The following SLCO3A1 variants were observed in gnomAD, a reference collection of about 807,000 sequenced individuals.
The protein encoded by SLCO3A1 is solute carrier organic anion transporter family member 3A1.
A neutral mutation model predicts 63.1 loss-of-function variants in SLCO3A1; 27 were observed. The ratio of observed to expected loss-of-function variants is 0.43; its 90% CI spans 0.32 to 0.59. The LOEUF is 0.59. Among genes scored for constraint, SLCO3A1 ranks in the 20% least tolerant of loss-of-function variants. The pLI is 0.09. For synonymous variants in SLCO3A1, 473 were observed against 409.9 expected, an observed-to-expected ratio of 1.15 and a Z score of -1.86; for missense variants, 773 against 945.8, an observed-to-expected ratio of 0.82 and a Z score of 2.40.
intron 2 of SLCO3A1, among the ~76,000 whole-genome samples, chr15:92,069,281 C>G (rs1293943431): frequency 6.6e-6 from 1 of 152,186 alleles, no homozygotes; most frequent in African/African-American, 2.4e-5. Context: ...TTTGTCATGT[C>G]AGTAGTGCTG....
intron 2 of SLCO3A1, among the ~76,000 whole-genome samples, chr15:91,962,122 A>T (rs938900629): frequency 5.3e-5 from 8 of 152,196 alleles, no homozygotes; most frequent in Non-Finnish European, 1.2e-4. Flanking sequence ...AGACAGGCTC[A>T]GAAGATGCCG....
intron 1 of SLCO3A1, among the ~76,000 whole-genome samples, chr15:91,895,992 T>A (rs113860618): frequency 1.3e-5 from 2 of 152,234 alleles, no homozygotes; most frequent in African/African-American, 4.8e-5. Flanking sequence ...GCTATTCAGT[T>A]AAAAGCACTC....
intron 2 of SLCO3A1, among the ~76,000 whole-genome samples, chr15:92,016,026 G>GAT (rs2046421907): frequency 6.6e-6 from 1 of 152,130 alleles, no homozygotes; most frequent in Non-Finnish European, 1.5e-5. Flanking sequence ...AGGATTTCAG[G>GAT]ATAGGGCACT....
rs145794543 is a variant in SLCO3A1, at chr15:92,104,473, C to G, written c.940C>G (p.Pro314Ala). Residue 314 changes from proline (P) to alanine (A), a missense_variant, in exon 4 of 10, where the codon CCC (proline) becomes GCC (alanine). This residue lies in a region of SLCO3A1 where 565 missense variants were observed against 749.8 expected (regional missense o/e 0.75). Coordinates refer to ENST00000318445, the MANE Select transcript of SLCO3A1 (RefSeq NM_013272.4). The part of the protein sequence containing the change: ...LSEREYERPK[P>A]SNGVLRHPLE... Reference sequence around the variant, plus strand: ...CGAAAGAGAATACGAGAGACCCAAGCCCAGCAACGGGGTCCTGAGGCACCC... The same window carrying G: ...CGAAAGAGAATACGAGAGACCCAAGGCCAGCAACGGGGTCCTGAGGCACCC... 3 of 1,614,142 alleles carry G rather than the reference C, an allele frequency of 1.9e-6. No individual in the cohort carries two copies. In the African/African-American group the frequency reaches 4.0e-5, roughly 22 times the overall value.
At chr15:92,016,735 C>T (rs1166979308) in intron 2 of SLCO3A1, among the ~76,000 whole-genome samples, 1 of 151,864 alleles carries the variant, frequency 6.6e-6, no homozygotes, top group Non-Finnish European at 1.5e-5. Flanking sequence ...GGAAGAAGAC[C>T]ACAAAGACAG....
At chr15:91,899,791 A>C (rs1183545021) in intron 1 of SLCO3A1, among the ~76,000 whole-genome samples, 1 of 152,194 alleles carries the variant, frequency 6.6e-6, no homozygotes, top group Non-Finnish European at 1.5e-5. Context: ...TCTTCCAGAC[A>C]ACCTACTTTC....
At position 91,897,853 on chromosome 15, in the gene SLCO3A1, G is replaced by A. The variant is rs1898046078; in HGVS notation, c.181-18140G>A. ...TGGATGACATGTGAGCATGAGGATGGGTGCGGGAGGCGAAAGGCAGCTGAA... is the reference window on the plus strand; with the variant it reads ...TGGATGACATGTGAGCATGAGGATGAGTGCGGGAGGCGAAAGGCAGCTGAA... On this transcript the variant is annotated intron_variant, in intron 1 of 9. Transcript: ENST00000318445. This position sits in a 1 kb window ranked among gnomAD's most constrained non-coding sequence, Gnocchi z 4.7. 6.6e-6 allele frequency among the ~76,000 whole-genome samples: 1 copy of A among 152,182 alleles called. No homozygotes were observed. Among genetic ancestry groups the A allele is most frequent in the Admixed American group, 6.5e-5 (1 of 15,288 alleles).
chr15:92,134,582 T>G (rs2048033516), intron 7 of SLCO3A1, among the ~76,000 whole-genome samples: 1 of 152,210 alleles, frequency 6.6e-6, no homozygotes, highest in Non-Finnish European at 1.5e-5. Context: ...CATCTAAATA[T>G]ATGCATATCT....
intron 2 of SLCO3A1, among the ~76,000 whole-genome samples, chr15:92,086,435 T>G (rs1462352960): frequency 6.6e-6 from 1 of 152,236 alleles, no homozygotes; most frequent in African/African-American, 2.4e-5. Context: ...TATTAAGGTT[T>G]CTGTCGATTT....
chr15:91,931,120 A>G (rs1899212190), intron 2 of SLCO3A1, among the ~76,000 whole-genome samples: 1 of 152,234 alleles, frequency 6.6e-6, no homozygotes, highest in Admixed American at 6.5e-5. Flanking sequence ...AGTCCCTTGC[A>G]AGGAGACAGC....
intron 2 of SLCO3A1, among the ~76,000 whole-genome samples, chr15:91,960,941 G>A (rs1309244852): frequency 1.3e-5 from 2 of 152,106 alleles, no homozygotes; most frequent in African/African-American, 4.8e-5. Flanking sequence ...CAGATTTTTG[G>A]ATTAGAAATG....
At chr15:92,032,813 T>G (rs2151480922) in intron 2 of SLCO3A1, among the ~76,000 whole-genome samples, 1 of 151,762 alleles carries the variant, frequency 6.6e-6, no homozygotes, top group African/African-American at 2.4e-5. Flanking sequence ...TAAAAAGATT[T>G]GGAGCATGGT....
intron 2 of SLCO3A1, among the ~76,000 whole-genome samples, chr15:91,937,128 A>G (rs927987625): frequency 5.3e-5 from 8 of 152,174 alleles, no homozygotes; most frequent in African/African-American, 1.7e-4. Context: ...TAGCTAAATA[A>G]CCGGCTGTCT....
chr15:91,954,292 G>A lies in SLCO3A1; in HGVS notation c.646+37834G>A, dbSNP rs1285896415. On this transcript the variant is annotated intron_variant, in intron 2 of 9. Transcript: ENST00000318445. This position sits in a 1 kb window ranked among gnomAD's most constrained non-coding sequence, Gnocchi z 4.7. Reference sequence around the variant, plus strand: ...TCTCACTTGTCTCTGAGCCCTTTGTGAGTTTCTCAGGATAAACCATCCACC... The same window carrying A: ...TCTCACTTGTCTCTGAGCCCTTTGTAAGTTTCTCAGGATAAACCATCCACC... Among the ~76,000 whole-genome samples, 3 of 152,178 alleles carry A rather than the reference G, an allele frequency of 2.0e-5. No individual in the cohort carries two copies. Among genetic ancestry groups the A allele is most frequent in the Admixed American group, 6.5e-5 (1 of 15,276 alleles).
Position 91,860,359 on chromosome 15 carries a change from C to A in SLCO3A1, c.180+6271C>A, listed in dbSNP as rs1412214962. On this transcript the variant is annotated intron_variant, in intron 1 of 9. Coordinates refer to ENST00000318445, the MANE Select transcript of SLCO3A1 (RefSeq NM_013272.4). This position sits in a 1 kb window ranked among gnomAD's most constrained non-coding sequence, Gnocchi z 5.5. ...CTTACTCGAGCCTCAATAGCCTCAT[C>A]TGAAAAATGGGGATAATGATCAAGC... 2.0e-5 allele frequency among the ~76,000 whole-genome samples: 3 copies of A among 152,190 alleles called. No homozygotes were observed. Among genetic ancestry groups the A allele is most frequent in the Admixed American group, 2.0e-4 (3 of 15,282 alleles).
At chr15:91,878,891 T>C (rs539216770) in intron 1 of SLCO3A1, among the ~76,000 whole-genome samples, 1 of 152,236 alleles carries the variant, frequency 6.6e-6, no homozygotes, top group East Asian at 1.9e-4. Flanking sequence ...GAATTTGGGC[T>C]TTTTTTCCTC....
intron 2 of SLCO3A1, among the ~76,000 whole-genome samples, chr15:92,012,797 G>A (rs1254281163): frequency 6.7e-6 from 1 of 148,258 alleles, no homozygotes; most frequent in Admixed American, 6.7e-5. Flanking sequence ...GGCCCTGCTC[G>A]ACTGAGGTAG....
At chr15:92,128,930 T>C (rs2047959659) in intron 7 of SLCO3A1, among the ~76,000 whole-genome samples, 1 of 152,218 alleles carries the variant, frequency 6.6e-6, no homozygotes, top group Non-Finnish European at 1.5e-5. Context: ...GCTTTGCCAT[T>C]TTCCTCCTAA....
In SLCO3A1 at chr15:91,897,892, G is replaced by C. The variant is rs1898047392; in HGVS notation, c.181-18101G>C. On this transcript the variant is annotated intron_variant, in intron 1 of 9. Coordinates refer to ENST00000318445, the MANE Select transcript of SLCO3A1 (RefSeq NM_013272.4). The surrounding 1 kb of genome is among the most constrained non-coding windows in gnomAD (Gnocchi z 4.7). ...AAGGCAGCTGAAACTGCAGGGCAGA[G>C]CCAGGCGAAGTTGAGAACAAGAAGG... 6.6e-6 allele frequency among the ~76,000 whole-genome samples: 1 copy of C among 152,208 alleles called. No individual in the cohort carries two copies. Among genetic ancestry groups the C allele is most frequent in the African/African-American group, 2.4e-5 (1 of 41,454 alleles).
Sources: allele counts gnomAD v4.1 joint callset (sites outside exome capture counted in the v4.1 genomes callset), GRCh38; gene constraint gnomAD v4.1.1; regional missense constraint gnomAD v4.1.1; non-coding constraint Gnocchi (gnomAD v3.1); transcripts MANE v1.5; gene names NCBI Gene and HGNC (gene_info 2026-07-23, HGNC 2026-07-21).